The following RBFOX3 variants were observed in gnomAD, a reference collection of about 807,000 sequenced individuals.
The protein encoded by RBFOX3 is RNA binding protein fox-1 homolog 3.
In RBFOX3, 17 loss-of-function variants were observed where a neutral mutation model predicts 48.7. That is an observed-to-expected ratio of 0.35 (90% CI 0.24 to 0.52). The LOEUF is 0.52. Ranked by LOEUF, RBFOX3 falls within the 20% of genes least tolerant of loss-of-function variation. The pLI, the probability that RBFOX3 is intolerant of heterozygous loss-of-function variation, is 0.94. For missense variants in RBFOX3, 382 were observed against 497.5 expected, an observed-to-expected ratio of 0.77 and a Z score of 2.21; for synonymous variants, 212 against 209.5, an observed-to-expected ratio of 1.01 and a Z score of -0.10.
chr17:79,652,210 G>A, the RBFOX3 span, among the ~76,000 whole-genome samples: 3 of 152,060 alleles, frequency 2.0e-5, no homozygotes, highest in Non-Finnish European at 4.4e-5. Context: ...ACAAAGAGAA[G>A]AAAACTTCAA....
chr17:79,413,568 C>T (rs954179097), intron 2 of RBFOX3, among the ~76,000 whole-genome samples: 1 of 152,258 alleles, frequency 6.6e-6, no homozygotes, highest in Non-Finnish European at 1.5e-5. Flanking sequence ...CATCAGGGAG[C>T]AGGTTTCCAC....
chr17:79,305,142 T>A (rs566930117), intron 3 of RBFOX3, among the ~76,000 whole-genome samples: 6 of 151,824 alleles, frequency 4.0e-5, no homozygotes, highest in African/African-American at 1.5e-4. Context: ...CATCAACCCC[T>A]CCGATGGTGG....
intron 2 of RBFOX3, among the ~76,000 whole-genome samples, chr17:79,375,744 T>A (rs996654867): frequency 5.3e-5 from 8 of 152,146 alleles, no homozygotes; most frequent in Non-Finnish European, 1.2e-4. Flanking sequence ...ATGAAACCCC[T>A]CCTTTGAAAG....
chr17:79,457,521 C>T (rs978934439), intron 2 of RBFOX3, among the ~76,000 whole-genome samples: 1 of 152,218 alleles, frequency 6.6e-6, no homozygotes, highest in East Asian at 1.9e-4. Context: ...ATCCCAGCGG[C>T]TCTTCCTGAA....
chr17:79,383,607 C>T (rs528139872), intron 2 of RBFOX3, among the ~76,000 whole-genome samples: 9 of 152,218 alleles, frequency 5.9e-5, no homozygotes, highest in Non-Finnish European at 1.2e-4. Context: ...GTGCCCCTTA[C>T]AGAGTCAGAG....
chr17:79,267,107 G>A (rs1021164066), intron 3 of RBFOX3, among the ~76,000 whole-genome samples: 7 of 152,128 alleles, frequency 4.6e-5, no homozygotes, highest in Admixed American at 4.6e-4. Flanking sequence ...CTGCACCTTG[G>A]AGTCTGAGGC....
intron 1 of RBFOX3, among the ~76,000 whole-genome samples, chr17:79,518,397 C>T (rs926741411): frequency 6.6e-5 from 10 of 152,090 alleles, no homozygotes; most frequent in African/African-American, 2.4e-5. Context: ...GGGATGGGGG[C>T]GCCTCACGGA....
At chr17:79,140,196 T>C (rs1262255624) in intron 4 of RBFOX3, among the ~76,000 whole-genome samples, 1 of 152,252 alleles carries the variant, frequency 6.6e-6, no homozygotes, top group Non-Finnish European at 1.5e-5. Context: ...GAATGTGCTG[T>C]GATCTCCATT....
At chr17:79,216,674 G>A (rs759954795) in intron 4 of RBFOX3, among the ~76,000 whole-genome samples, 4 of 152,144 alleles carry the variant, frequency 2.6e-5, no homozygotes, top group Admixed American at 2.0e-4. Flanking sequence ...ATGCCCACCC[G>A]TTCTGGCGTC....
chr17:79,226,123 G>T (rs2060286853), intron 4 of RBFOX3, among the ~76,000 whole-genome samples: 1 of 152,194 alleles, frequency 6.6e-6, no homozygotes, highest in South Asian at 2.1e-4. Context: ...CCACATCATG[G>T]GATATGTCTA....
intron 2 of RBFOX3, among the ~76,000 whole-genome samples, chr17:79,328,395 T>C (rs2079670294): frequency 6.6e-6 from 1 of 152,206 alleles, no homozygotes; most frequent in Admixed American, 6.5e-5. Flanking sequence ...CTGGCCACAA[T>C]CTGTGGCTGA....
chr17:79,259,034 C>A (rs2065314920), intron 3 of RBFOX3, among the ~76,000 whole-genome samples: 1 of 152,224 alleles, frequency 6.6e-6, no homozygotes, highest in Non-Finnish European at 1.5e-5. Flanking sequence ...ACTTGCAATC[C>A]CAGCTCTAAG....
chr17:79,578,697 A>C (rs1015339436), intron 1 of RBFOX3, among the ~76,000 whole-genome samples: 4 of 152,174 alleles, frequency 2.6e-5, no homozygotes, highest in Non-Finnish European at 5.9e-5. Context: ...TTGGCTCTGA[A>C]AAAATAATAA....
In RBFOX3 at chr17:79,497,288, A is replaced by T. The variant is rs368387600; in HGVS notation, c.-319-14690T>A. Reference sequence around the variant, plus strand: ...TACTAAGACCTACGCATTTCATAGTATGTAAATTACCCTCAGTTTTTTAAT... The same window carrying T: ...TACTAAGACCTACGCATTTCATAGTTTGTAAATTACCCTCAGTTTTTTAAT... On this transcript the variant is annotated intron_variant, in intron 1 of 14. Transcript: ENST00000693108. Among the ~76,000 whole-genome samples the T allele has an allele frequency of 2.7e-3, 410 of 152,334 alleles. 9 individuals carry two copies. The South Asian group carries it at 0.041, about 15-fold the overall frequency.
intron 2 of RBFOX3, among the ~76,000 whole-genome samples, chr17:79,416,439 C>T (rs2065369140): frequency 6.6e-6 from 1 of 152,234 alleles, no homozygotes; most frequent in South Asian, 2.1e-4. Context: ...CACCACAGTC[C>T]CCATTCTCAC....
At chr17:79,280,120 A>G (rs2069917629) in intron 3 of RBFOX3, among the ~76,000 whole-genome samples, 1 of 149,952 alleles carries the variant, frequency 6.7e-6, no homozygotes, top group Non-Finnish European at 1.5e-5. Flanking sequence ...ATGCACACAC[A>G]CACGCACATA....
At chr17:79,396,841 T>C (rs559400527) in intron 2 of RBFOX3, among the ~76,000 whole-genome samples, 1 of 152,250 alleles carries the variant, frequency 6.6e-6, no homozygotes, top group Non-Finnish European at 1.5e-5. Flanking sequence ...AAACCCAGCC[T>C]GGATCCCTTC....
chr17:79,582,487 C>T (rs1309221917), intron 1 of RBFOX3, among the ~76,000 whole-genome samples: 2 of 152,188 alleles, frequency 1.3e-5, no homozygotes, highest in Non-Finnish European at 2.9e-5. Flanking sequence ...AGATCTTTCT[C>T]TTCTCAATAA....
intron 4 of RBFOX3, among the ~76,000 whole-genome samples, chr17:79,118,158 G>A (rs1024273795): frequency 2.7e-5 from 4 of 149,514 alleles, no homozygotes; most frequent in Admixed American, 6.6e-5. Context: ...GCCACCCTGC[G>A]ACAGACTCGC....
Sources: allele counts gnomAD v4.1 joint callset (sites outside exome capture counted in the v4.1 genomes callset), GRCh38; gene constraint gnomAD v4.1.1; transcripts MANE v1.5; gene names NCBI Gene and HGNC (gene_info 2026-07-23, HGNC 2026-07-21).